Variants in FAM174B observed in about 807,000 individuals in gnomAD.
FAM174B encodes family with sequence similarity 174 member B.
FAM174B carries 12 observed loss-of-function variants against 10.9 expected under a neutral mutation model. The observed-to-expected ratio is 1.10, with a 90% CI of 0.71 to 1.79. The LOEUF (loss-of-function observed/expected upper bound fraction) is 1.79, where lower values mean the gene tolerates loss of function less well. FAM174B is among the 40% of genes most tolerant of loss of function. The pLI is 0.00. For synonymous variants in FAM174B, 132 were observed against 115.8 expected (o/e 1.14, Z -0.90); for missense variants, 266 against 233.3 (o/e 1.14, Z -0.91).
chr15:92,655,193 A>T, intron 1 of FAM174B, 123 bp downstream of exon 1: 1 of 1,358,118 alleles, frequency 7.4e-7, no homozygotes, highest in East Asian at 3.0e-5. Flanking sequence ...GGCAGGAGGC[A>T]CACGGCTGGC....
chr15:92,622,609 T>TG (rs1378165525), intron 2 of FAM174B, among the ~76,000 whole-genome samples: 6 of 152,220 alleles, frequency 3.9e-5, no homozygotes, highest in Non-Finnish European at 5.9e-5. Flanking sequence ...AGGAGGGGCT[T>TG]GGGGGGCAGA....
chr15:92,651,349 C>G (rs901819268), intron 1 of FAM174B, among the ~76,000 whole-genome samples: 9 of 152,146 alleles, frequency 5.9e-5, no homozygotes, highest in African/African-American at 2.2e-4. Context: ...CGGCCAGGAG[C>G]TGAGTATACA....
Position 92,630,222 on chromosome 15 carries a change from G to GA in FAM174B, c.467dup (p.Lys157GlnfsTer25). The GA allele has an allele frequency of 6.2e-7, 1 of 1,613,662 alleles. No individual in the cohort carries two copies. The highest frequency in any genetic ancestry group is 8.5e-7 in the Non-Finnish European group (1 of 1,179,736). On this transcript the variant is annotated frameshift_variant, in exon 2 of 3. Coordinates refer to ENST00000327355, the MANE Select transcript of FAM174B (RefSeq NM_207446.3). LOFTEE classifies it high-confidence loss of function. ...CTGTCTCCACCCTGTACCTGTATTT[G>GA]ATGTCGAATACTGTGGAGTCCTCAT...
intron 1 of FAM174B, among the ~76,000 whole-genome samples, chr15:92,638,992 AG>A (rs2050873730): frequency 1.3e-5 from 2 of 152,228 alleles, no homozygotes; most frequent in Admixed American, 6.5e-5. Context: ...ATCTCATCAC[AG>A]CCTCCCGCCA....
intron 2 of FAM174B, among the ~76,000 whole-genome samples, chr15:92,629,096 G>A (rs2050773550): frequency 6.6e-6 from 1 of 152,180 alleles, no homozygotes; most frequent in African/African-American, 2.4e-5. Flanking sequence ...CGCCAAGGCT[G>A]TGCTGAGGAA....
At chr15:92,644,677 G>A (rs1176032416) in intron 1 of FAM174B, among the ~76,000 whole-genome samples, 1 of 152,180 alleles carries the variant, frequency 6.6e-6, no homozygotes, top group African/African-American at 2.4e-5. Context: ...AATGCCCCAA[G>A]GCCTTGTAGA....
At chr15:92,631,313 TATAA>T (rs2050806945) in intron 1 of FAM174B, among the ~76,000 whole-genome samples, 1 of 2,166 alleles carries the variant, frequency 4.6e-4, no homozygotes, top group African/African-American at 1.0e-3. Flanking sequence ...ATATATTATA[TATAA>T]TATTATATAT....
chr15:92,640,196 A>T (rs546886609), intron 1 of FAM174B, among the ~76,000 whole-genome samples: 4 of 152,324 alleles, frequency 2.6e-5, no homozygotes, highest in African/African-American at 4.8e-5. Flanking sequence ...ACATGGGAGA[A>T]ATCCAAAATC....
chr15:92,650,597 G>C (rs1033417634), intron 1 of FAM174B, among the ~76,000 whole-genome samples: 8 of 152,298 alleles, frequency 5.3e-5, no homozygotes, highest in Admixed American at 1.3e-4. Flanking sequence ...CTCTGCTCAT[G>C]AGACACCAGA....
rs116645235 is a variant in FAM174B at position 92,653,454 on chromosome 15, A to T, written c.344+1862T>A. Among the ~76,000 whole-genome samples, 403 of 152,386 alleles carry T rather than the reference A, an allele frequency of 2.6e-3. 1 individual carries two copies. Among genetic ancestry groups the T allele is most frequent in the African/African-American group, 9.4e-3 (390 of 41,598 alleles). On this transcript the variant is annotated intron_variant, in intron 1 of 2. Coordinates refer to ENST00000327355, the MANE Select transcript of FAM174B (RefSeq NM_207446.3). ...CTAAATGTTTCAAACCTCCAGACTC[A>T]GAGCTGCTCTAGGCATTAACCTTCA...
At position 92,619,185 on chromosome 15, in the gene FAM174B, G is replaced by T; in HGVS notation, c.*271C>A. The T allele has an allele frequency of 1.4e-6, 1 of 702,462 alleles. No homozygotes were observed. Among genetic ancestry groups the T allele is most frequent in the Non-Finnish European group, 2.6e-6 (1 of 384,808 alleles). The allele number at this position is 702,462 out of a possible 1,614,324, so 43.5% of individuals were successfully genotyped here. On this transcript the variant is annotated 3_prime_UTR_variant, in exon 3 of 3. Transcript: ENST00000327355. ...CCTTTGCTCCTTAGCAAGGCACAAA[G>T]CCTCTTACATGGGGAGTAGAAGTAG...
chr15:92,655,240 C>T (rs539420103), intron 1 of FAM174B, 76 bp downstream of exon 1: 1 of 1,438,294 alleles, frequency 7.0e-7, no homozygotes, highest in South Asian at 1.5e-5. Flanking sequence ...GCAGGTGGGG[C>T]GGGCGCGCGG....
chr15:92,642,499 T>C (rs768932761), intron 1 of FAM174B, among the ~76,000 whole-genome samples: 36 of 152,232 alleles, frequency 2.4e-4, no homozygotes, highest in Non-Finnish European at 4.4e-4. Flanking sequence ...GAGAGGGACC[T>C]TGTGGGAGGT....
intron 1 of FAM174B, 53 bp from the exon 2 acceptor site, chr15:92,630,398 C>A: frequency 7.1e-6 from 11 of 1,551,002 alleles, no homozygotes; most frequent in Non-Finnish European, 8.7e-6. Context: ...GAAAGAGTCA[C>A]TGGGCCCCAA....
intron 2 of FAM174B, among the ~76,000 whole-genome samples, chr15:92,625,690 A>G (rs1368371485): frequency 6.6e-6 from 1 of 152,228 alleles, no homozygotes; most frequent in Non-Finnish European, 1.5e-5. Flanking sequence ...TTTCACATCT[A>G]TATACTCACA....
In FAM174B at chr15:92,655,656, G is replaced by A. The variant is rs957875675; in HGVS notation, c.4C>T (p.Arg2Cys). 1.7e-5 allele frequency: 22 copies of A among 1,257,394 alleles called. No homozygotes were observed. The Middle Eastern group carries it at 9.4e-4, about 54-fold the overall frequency. 77.9% of individuals were successfully genotyped at this position (1,257,394 alleles called of 1,614,324 possible). A position where few individuals can be genotyped will look rare whatever the true frequency, so the allele number is the denominator to read the frequency against. The change falls in exon 1 of 3, where the codon CGC becomes TGC. Residue 2 changes from arginine (R) to cysteine (C), a missense_variant. Transcript: ENST00000327355. The stretch of plus-strand genomic sequence containing the variant: ...AGCGGGGCGGGCAGCGGCACGGCGC[G>A]CATAGTGCGGTGGGTCGGCACAGGA... M[R>C]AVPLPAPLLP...
chr15:92,640,118 G>T (rs918482179), intron 1 of FAM174B, among the ~76,000 whole-genome samples: 11 of 152,140 alleles, frequency 7.2e-5, no homozygotes, highest in African/African-American at 2.7e-4. Flanking sequence ...CTCACACTTT[G>T]TATCAGCATA....
At chr15:92,650,045 T>G (rs1341495691) in intron 1 of FAM174B, among the ~76,000 whole-genome samples, 1 of 152,090 alleles carries the variant, frequency 6.6e-6, no homozygotes, top group Non-Finnish European at 1.5e-5. Flanking sequence ...CACCCAAAAC[T>G]CCAATTTACT....
chr15:92,653,836 C>T (rs1000090357), intron 1 of FAM174B, among the ~76,000 whole-genome samples: 2 of 152,350 alleles, frequency 1.3e-5, no homozygotes, highest in South Asian at 2.1e-4. Flanking sequence ...GGCTCAGAAG[C>T]GCTGGTTGAT....
Sources: gnomAD v4.1 joint callset for allele counts (sites outside exome capture counted in the v4.1 genomes callset) on GRCh38, gnomAD v4.1.1 for gene constraint, MANE v1.5 for transcripts, NCBI Gene and HGNC (gene_info 2026-07-23, HGNC 2026-07-21) for gene names.